CREB3L2: variants seen among roughly 807,000 people sequenced by gnomAD.
CREB3L2 encodes cyclic AMP-responsive element-binding protein 3-like protein 2.
In CREB3L2, 23 loss-of-function variants were observed where a neutral mutation model predicts 57.2. That is an observed-to-expected ratio of 0.40 (90% CI 0.29 to 0.57). CREB3L2 has a LOEUF of 0.57. Among genes scored for constraint, CREB3L2 ranks in the 20% least tolerant of loss-of-function variants. The pLI is 0.42. For missense variants in CREB3L2, 628 were observed against 634.7 expected, an observed-to-expected ratio of 0.99 and a Z score of 0.11; for synonymous variants, 268 against 265.1, an observed-to-expected ratio of 1.01 and a Z score of -0.11.
intron 8 of CREB3L2, among the ~76,000 whole-genome samples, chr7:137,890,586 A>G (rs968811236): frequency 6.6e-6 from 1 of 152,242 alleles, no homozygotes; most frequent in Non-Finnish European, 1.5e-5. Context: ...TCATGGAATA[A>G]TGAGAAAATG....
intron 1 of CREB3L2, among the ~76,000 whole-genome samples, chr7:137,984,390 T>C (rs1801761027): frequency 6.6e-6 from 1 of 152,248 alleles, no homozygotes; most frequent in Admixed American, 6.5e-5. Flanking sequence ...ATATAGGTAC[T>C]ACCCTTTCTG....
intron 7 of CREB3L2, 24 bp downstream of exon 7, chr7:137,903,935 G>A (rs1203582107): frequency 2.5e-6 from 4 of 1,598,418 alleles, no homozygotes; most frequent in Admixed American, 3.3e-5. Flanking sequence ...CCCGATGAAC[G>A]CAACAGTTTG....
chr7:137,947,042 A>G (rs2117266418), intron 1 of CREB3L2, among the ~76,000 whole-genome samples: 1 of 138,868 alleles, frequency 7.2e-6, no homozygotes, highest in South Asian at 2.2e-4. Context: ...TTCAATCCAT[A>G]GACTGAACTG....
intron 4 of CREB3L2, among the ~76,000 whole-genome samples, chr7:137,909,990 ACC>A (rs1278440978): frequency 6.6e-6 from 1 of 152,060 alleles, no homozygotes; most frequent in Non-Finnish European, 1.5e-5. Flanking sequence ...TTCGCTTTCC[ACC>A]ATGATTGTGA....
At chr7:137,999,416 A>ACACACC (rs1802040737) in intron 1 of CREB3L2, among the ~76,000 whole-genome samples, 2 of 151,340 alleles carry the variant, frequency 1.3e-5, no homozygotes, top group East Asian at 1.9e-4. Context: ...ACACACACAC[A>ACACACC]CACGAATATA....
chr7:137,928,364 G>C lies in CREB3L2; in HGVS notation c.105C>G (p.His35Gln). Reference sequence around the variant, plus strand: ...AAAACTCATCCAGAAGTTCTGAGAAGTGCTACAAGAAACAAAGGAGGAAGA... The same window carrying C: ...AAAACTCATCCAGAAGTTCTGAGAACTGCTACAAGAAACAAAGGAGGAAGA... ...GDGEALMYHT[H>Q]FSELLDEFSQ... The change falls in exon 2 of 12, where the codon CAC becomes CAG. Residue 35 changes from histidine (H) to glutamine (Q), a missense_variant and splice_region_variant. This residue lies in a region of CREB3L2 where 339 missense variants were observed against 355.4 expected (regional missense o/e 0.95). Coordinates refer to ENST00000330387, the MANE Select transcript of CREB3L2 (RefSeq NM_194071.4). 1 of 1,613,306 alleles carries C rather than the reference G, an allele frequency of 6.2e-7. No individual in the cohort carries two copies. The highest frequency in any genetic ancestry group is 1.1e-5 in the South Asian group (1 of 90,928).
chr7:137,978,069 AT>A (rs1482316810), intron 1 of CREB3L2, among the ~76,000 whole-genome samples: 1 of 152,172 alleles, frequency 6.6e-6, no homozygotes, highest in Admixed American at 6.5e-5. Flanking sequence ...AATCTTAGTC[AT>A]CATATCAGCT....
chr7:137,956,094 A>G (rs1250529463), intron 1 of CREB3L2, among the ~76,000 whole-genome samples: 1 of 152,202 alleles, frequency 6.6e-6, no homozygotes, highest in Non-Finnish European at 1.5e-5. Flanking sequence ...GGCACCAGGT[A>G]TTTGGTGGCA....
intron 10 of CREB3L2, among the ~76,000 whole-genome samples, chr7:137,883,526 T>C (rs1585587548): frequency 6.6e-6 from 1 of 152,348 alleles, no homozygotes; most frequent in East Asian, 1.9e-4. Context: ...CCTTTTCCTA[T>C]ACATATGTAC....
rs1799268848 is a variant in CREB3L2 at position 137,880,399 on chromosome 7, G to A, written c.*77C>T. 2 of 1,225,714 alleles carry A rather than the reference G, an allele frequency of 1.6e-6. No homozygotes were observed. The highest frequency in any genetic ancestry group is 2.4e-6 in the Non-Finnish European group (2 of 842,390). The allele number at this position is 1,225,714 out of a possible 1,614,324, so 75.9% of individuals were successfully genotyped here. ...CTCCATGAAGATCCAGTGGCAAAGA[G>A]GAAAAGCTGATGACAAAGGTGGTTT... On this transcript the variant is annotated 3_prime_UTR_variant, in exon 12 of 12. Coordinates refer to ENST00000330387, the MANE Select transcript of CREB3L2 (RefSeq NM_194071.4). The surrounding 1 kb of genome is among the most constrained non-coding windows in gnomAD (Gnocchi z 4.0).
chr7:137,963,887 T>C (rs904465583), intron 1 of CREB3L2, among the ~76,000 whole-genome samples: 2 of 152,204 alleles, frequency 1.3e-5, no homozygotes, highest in South Asian at 2.1e-4. Context: ...ATTTGACATA[T>C]CTGTTGAAGA....
chr7:137,949,640 TA>T (rs1324933449), intron 1 of CREB3L2, among the ~76,000 whole-genome samples: 1 of 152,184 alleles, frequency 6.6e-6, no homozygotes, highest in African/African-American at 2.4e-5. Context: ...AACACAGACG[TA>T]AAGCTTGTCA....
At chr7:137,942,783 T>C (rs999600875) in intron 1 of CREB3L2, among the ~76,000 whole-genome samples, 5 of 152,234 alleles carry the variant, frequency 3.3e-5, no homozygotes, top group Non-Finnish European at 7.3e-5. Context: ...AGAGCAATGC[T>C]TCTGAATGTT....
intron 2 of CREB3L2, among the ~76,000 whole-genome samples, chr7:137,922,437 CGTATAT>C (rs1800339929): frequency 1.0e-5 from 1 of 98,932 alleles, no homozygotes; most frequent in Non-Finnish European, 1.8e-5. Flanking sequence ...TATATATATA[CGTATAT>C]ATATATATAT....
chr7:137,883,486 T>C (rs963931477), intron 10 of CREB3L2, among the ~76,000 whole-genome samples: 2 of 152,236 alleles, frequency 1.3e-5, no homozygotes, highest in African/African-American at 4.8e-5. Context: ...AGGGTTTATA[T>C]ATGGGCATAT....
intron 4 of CREB3L2, 66 bp from the exon 5 acceptor site, chr7:137,908,502 C>T (rs1185034669): frequency 4.2e-6 from 5 of 1,179,388 alleles, no homozygotes; most frequent in Non-Finnish European, 5.4e-6. Context: ...TGATTTGTGG[C>T]ATAGCAAACT....
intron 1 of CREB3L2, among the ~76,000 whole-genome samples, chr7:137,998,793 A>C (rs1313396264): frequency 6.6e-6 from 1 of 152,230 alleles, no homozygotes; most frequent in Non-Finnish European, 1.5e-5. Context: ...TAAGGTCCCC[A>C]GTTCAAAAAG....
intron 1 of CREB3L2, among the ~76,000 whole-genome samples, chr7:137,936,367 C>G (rs185228552): frequency 6.6e-6 from 1 of 152,304 alleles, no homozygotes; most frequent in Non-Finnish European, 1.5e-5. Flanking sequence ...GACAGGAGTT[C>G]TCTAGTCCCA....
At chr7:137,883,788 T>C (rs1363535018) in intron 10 of CREB3L2, among the ~76,000 whole-genome samples, 1 of 152,124 alleles carries the variant, frequency 6.6e-6, no homozygotes, top group Non-Finnish European at 1.5e-5. Context: ...TGGCTACAGG[T>C]AACTGAAAGC....
Sources: gnomAD v4.1 joint callset for allele counts (sites outside exome capture counted in the v4.1 genomes callset) on GRCh38, gnomAD v4.1.1 for gene constraint, gnomAD v4.1.1 regional missense constraint, Gnocchi (gnomAD v3.1) non-coding constraint, MANE v1.5 for transcripts, NCBI Gene and HGNC (gene_info 2026-07-23, HGNC 2026-07-21) for gene names.